The following TBL1XR1 variants were observed in gnomAD, a reference collection of about 807,000 sequenced individuals.
TBL1XR1 encodes the protein F-box-like/WD repeat-containing protein TBL1XR1.
TBL1XR1 carries 5 observed loss-of-function variants against 66.9 expected under a neutral mutation model. That is an observed-to-expected ratio of 0.07 (90% confidence interval 0.04 to 0.16). The LOEUF (loss-of-function observed/expected upper bound fraction) is 0.16, where lower values mean the gene tolerates loss of function less well. Ranked by LOEUF, TBL1XR1 falls within the 10% of genes least tolerant of loss-of-function variation. TBL1XR1 has a pLI of 1.00. For synonymous variants in TBL1XR1, 210 were observed against 206.0 expected, an observed-to-expected ratio of 1.02 and a Z score of -0.17; for missense variants, 238 against 623.2, an observed-to-expected ratio of 0.38 and a Z score of 6.58.
At chr3:177,080,319 C>CA (rs1384273599) in intron 2 of TBL1XR1, among the ~76,000 whole-genome samples, 2 of 152,132 alleles carry the variant, frequency 1.3e-5, no homozygotes, top group African/African-American at 4.8e-5. Flanking sequence ...AAGACCTATT[C>CA]ACCTTTGGCC....
intron 1 of TBL1XR1, among the ~76,000 whole-genome samples, chr3:177,153,995 G>A (rs1051006346): frequency 2.0e-5 from 3 of 149,584 alleles, no homozygotes; most frequent in Admixed American, 2.0e-4. Context: ...CTAAATCAAG[G>A]CGCCAAGAAA....
rs77305091 is a variant in TBL1XR1, at chr3:177,138,361, G to A, written c.-121-39820C>T. On this transcript the variant is annotated intron_variant, in intron 1 of 15. Coordinates refer to ENST00000457928, the MANE Select transcript of TBL1XR1 (RefSeq NM_024665.7). Reference sequence around the variant, plus strand: ...TGCAATTTCGGCATTTTGAGAGGCCGAGGTGGGAGAACTGATTGAGCCCAG... The same window carrying A: ...TGCAATTTCGGCATTTTGAGAGGCCAAGGTGGGAGAACTGATTGAGCCCAG... Among the ~76,000 whole-genome samples the A allele has an allele frequency of 6.5e-3, 996 of 152,254 alleles. 17 individuals are homozygous for A. Among genetic ancestry groups the A allele is most frequent in the African/African-American group, 0.023 (941 of 41,546 alleles).
intron 14 of TBL1XR1, chr3:177,027,024 G>C (rs1225148705): frequency 6.6e-6 from 1 of 152,316 alleles, no homozygotes; most frequent in African/African-American, 2.4e-5. Context: ...CTTTAGACAG[G>C]GTCTTGTTGT....
At chr3:177,130,132 GA>G (rs1481796729) in intron 1 of TBL1XR1, among the ~76,000 whole-genome samples, 2 of 123,066 alleles carry the variant, frequency 1.6e-5, no homozygotes, top group Admixed American at 1.9e-4. Context: ...GCGACAGACT[GA>G]GACTCCATCT....
At chr3:177,195,135 T>C (rs553509369) in intron 1 of TBL1XR1, among the ~76,000 whole-genome samples, 26 of 151,624 alleles carry the variant, frequency 1.7e-4, no homozygotes, top group African/African-American at 6.1e-4. Flanking sequence ...TCAAAAAAAA[T>C]AGTAGTTATT....
chr3:177,168,084 T>C (rs1348896962), intron 1 of TBL1XR1, among the ~76,000 whole-genome samples: 3 of 152,166 alleles, frequency 2.0e-5, no homozygotes, highest in African/African-American at 4.8e-5. Context: ...AATTCTTCCA[T>C]GTAATGAGAT....
chr3:177,035,723 T>A (rs1714687260), intron 12 of TBL1XR1, among the ~76,000 whole-genome samples: 1 of 152,164 alleles, frequency 6.6e-6, no homozygotes, highest in African/African-American at 2.4e-5. Flanking sequence ...GGGCACTAGC[T>A]GTGGGTGTCT....
intron 5 of TBL1XR1, 114 bp downstream of exon 5, chr3:177,051,390 C>T: frequency 1.1e-6 from 1 of 917,440 alleles, no homozygotes; most frequent in Non-Finnish European, 1.6e-6. Flanking sequence ...ACAACAAACC[C>T]CTGTGATATG....
At chr3:177,136,899 T>C (rs1729059973) in intron 1 of TBL1XR1, among the ~76,000 whole-genome samples, 1 of 152,188 alleles carries the variant, frequency 6.6e-6, no homozygotes, top group South Asian at 2.1e-4. Context: ...TTACTCAATA[T>C]TATGAGTTTT....
chr3:177,173,736 A>C (rs1733834433), intron 1 of TBL1XR1, among the ~76,000 whole-genome samples: 1 of 152,222 alleles, frequency 6.6e-6, no homozygotes, highest in Non-Finnish European at 1.5e-5. Context: ...GTATTATACC[A>C]ATGTTCATTT....
intron 1 of TBL1XR1, among the ~76,000 whole-genome samples, chr3:177,186,689 T>C (rs1159060183): frequency 6.6e-6 from 1 of 152,212 alleles, no homozygotes; most frequent in Non-Finnish European, 1.5e-5. Flanking sequence ...CTTATGCTCA[T>C]GTCACATACT....
intron 1 of TBL1XR1, among the ~76,000 whole-genome samples, chr3:177,193,255 CA>C (rs111743121): frequency 0.064 from 9,715 of 152,214 alleles, 920 homozygotes; most frequent in East Asian, 0.49. Context: ...AGTTTGAACT[CA>C]CTTTAACCAC....
chr3:177,075,743 A>T (rs1324640055), intron 2 of TBL1XR1, among the ~76,000 whole-genome samples: 4 of 152,234 alleles, frequency 2.6e-5, no homozygotes, highest in Non-Finnish European at 5.9e-5. Context: ...CTTGGCTGCC[A>T]AACTTCTATT....
chr3:177,181,457 G>A (rs957140535), intron 1 of TBL1XR1, among the ~76,000 whole-genome samples: 5 of 143,768 alleles, frequency 3.5e-5, no homozygotes, highest in Non-Finnish European at 6.0e-5. Flanking sequence ...TCCAGCCTGA[G>A]TGACAGAGCC....
chr3:177,020,430 A>G lies in TBL1XR1; in HGVS notation c.*5068T>C, dbSNP rs1447334732. 1 of 152,200 alleles carries G rather than the reference A, an allele frequency of 6.6e-6. No homozygotes were observed. Among genetic ancestry groups the G allele is most frequent in the Non-Finnish European group, 1.5e-5 (1 of 68,014 alleles). The allele number at this position is 152,200 out of a possible 1,614,324, so 9.4% of individuals were successfully genotyped here. ...ATCTTATCTCCTGCAAGAAGTAATAAAAATAGTAAAATTTGTAATTTTATT... is the reference window on the plus strand; with the variant it reads ...ATCTTATCTCCTGCAAGAAGTAATAGAAATAGTAAAATTTGTAATTTTATT... On this transcript the variant is annotated 3_prime_UTR_variant, in exon 16 of 16. Coordinates refer to ENST00000457928, the MANE Select transcript of TBL1XR1 (RefSeq NM_024665.7).
chr3:177,043,469 A>T (rs1715884379), intron 10 of TBL1XR1, among the ~76,000 whole-genome samples: 1 of 152,192 alleles, frequency 6.6e-6, no homozygotes, highest in Admixed American at 6.5e-5. Flanking sequence ...TAATGTAGCC[A>T]TTTCAGCTGT....
intron 1 of TBL1XR1, among the ~76,000 whole-genome samples, chr3:177,143,775 ATAGT>A (rs1188430546): frequency 1.3e-5 from 2 of 152,238 alleles, no homozygotes; most frequent in Admixed American, 6.5e-5. Flanking sequence ...TGGGTCTCTG[ATAGT>A]TCATTCAGGC....
At chr3:177,125,638 C>T (rs1027914885) in intron 1 of TBL1XR1, among the ~76,000 whole-genome samples, 10 of 151,992 alleles carry the variant, frequency 6.6e-5, no homozygotes, top group African/African-American at 1.7e-4. Context: ...ATATAACCAA[C>T]GACTACAATA....
At position 177,022,937 on chromosome 3, in the gene TBL1XR1, C is replaced by T. The variant is rs1480090979; in HGVS notation, c.*2561G>A. 1 of 151,690 alleles carries T rather than the reference C, an allele frequency of 6.6e-6. No homozygotes were observed. The highest frequency in any genetic ancestry group is 1.5e-5 in the Non-Finnish European group (1 of 67,858). The allele number at this position is 151,690 out of a possible 1,614,324, so 9.4% of individuals were successfully genotyped here. ...AAGTATATACTTAAAAGACCCAAGACGTCAGGATAATAAAGCTCTGTATTT... is the reference window on the plus strand; with the variant it reads ...AAGTATATACTTAAAAGACCCAAGATGTCAGGATAATAAAGCTCTGTATTT... On this transcript the variant is annotated 3_prime_UTR_variant, in exon 16 of 16. Coordinates refer to ENST00000457928, the MANE Select transcript of TBL1XR1 (RefSeq NM_024665.7).
Sources: gnomAD v4.1 joint callset for allele counts (sites outside exome capture counted in the v4.1 genomes callset) on GRCh38, gnomAD v4.1.1 for gene constraint, MANE v1.5 for transcripts, NCBI Gene and HGNC (gene_info 2026-07-23, HGNC 2026-07-21) for gene names.